Variants in SLC25A30 observed in about 807,000 individuals in gnomAD.
SLC25A30 encodes kidney mitochondrial carrier protein 1.
In SLC25A30, 29 loss-of-function variants were observed where a neutral mutation model predicts 42.7. That is an observed-to-expected ratio of 0.68 (90% CI 0.51 to 0.93). SLC25A30 has a LOEUF of 0.93. Ranked by LOEUF, SLC25A30 falls within the 40% of genes least tolerant of loss-of-function variation. The pLI, the probability that SLC25A30 is intolerant of heterozygous loss-of-function variation, is 0.00. For missense variants in SLC25A30, 300 were observed against 359.7 expected (o/e 0.83, Z 1.34); for synonymous variants, 124 against 131.0 (o/e 0.95, Z 0.37).
rs541697070 is a variant in SLC25A30 at position 45,395,813 on chromosome 13, A to G, written c.*161T>C. ...TTAAACGTTTGATGAAGAGCATCCA[A>G]TGCCAACACACAGCAATCTCAACTA... On this transcript the variant is annotated 3_prime_UTR_variant, in exon 10 of 10. Coordinates refer to ENST00000519676, the MANE Select transcript of SLC25A30 (RefSeq NM_001010875.4). The G allele has an allele frequency of 5.3e-6, 8 of 1,517,188 alleles. No homozygotes were observed. The highest frequency in any genetic ancestry group is 5.1e-5 in the South Asian group (4 of 78,318). The allele number at this position is 1,517,188 out of a possible 1,614,324, so 94.0% of individuals were successfully genotyped here.
chr13:45,414,623 CACACACACACAT>C (rs1233355826), intron 1 of SLC25A30, among the ~76,000 whole-genome samples: 4 of 138,002 alleles, frequency 2.9e-5, no homozygotes, highest in Admixed American at 1.5e-4. Flanking sequence ...GTCTCAAACA[CACACACACACAT>C]ACACACACAC....
At chr13:45,418,865 T>G (rs765749524), upstream of SLC25A30, 4 of 137,432 alleles carry the variant, frequency 2.9e-5, no homozygotes, top group Non-Finnish European at 6.1e-5. Flanking sequence ...CGCTTGAACC[T>G]GGGAGGCGGA....
chr13:45,408,092 C>T (rs1882684699), intron 3 of SLC25A30, among the ~76,000 whole-genome samples: 1 of 152,106 alleles, frequency 6.6e-6, no homozygotes, highest in African/African-American at 2.4e-5. Flanking sequence ...CTTCTGTCTG[C>T]CATAGATATA....
At chr13:45,415,549 G>A (rs1481510114) in intron 1 of SLC25A30, among the ~76,000 whole-genome samples, 2 of 151,890 alleles carry the variant, frequency 1.3e-5, no homozygotes, top group African/African-American at 4.8e-5. Flanking sequence ...TCAGGAGTTC[G>A]AGACCAGCCA....
chr13:45,402,215 TAAATTCAAA>T (rs942486409), intron 6 of SLC25A30, 51 bp downstream of exon 6: 747 of 1,348,840 alleles, frequency 5.5e-4, no homozygotes, highest in Non-Finnish European at 4.6e-4. Flanking sequence ...ATAGAACAAG[TAAATTCAAA>T]AAAGGAAAAA....
the SLC25A30 span, among the ~76,000 whole-genome samples, chr13:45,428,725 GT>G: frequency 6.7e-6 from 1 of 149,416 alleles, no homozygotes; most frequent in African/African-American, 2.5e-5. Flanking sequence ...GTTTCACCAT[GT>G]TGGTCAGGCT....
At chr13:45,423,882 A>T in the SLC25A30 span, among the ~76,000 whole-genome samples, 5 of 78,848 alleles carry the variant, frequency 6.3e-5, no homozygotes, top group East Asian at 3.5e-4. Context: ...AATATATAAA[A>T]ATATATATAT....
the SLC25A30 span, among the ~76,000 whole-genome samples, chr13:45,425,702 A>G: frequency 1.5e-5 from 2 of 137,070 alleles, no homozygotes; most frequent in South Asian, 4.3e-4. Context: ...ACACACATAT[A>G]TATTTTTTGG....
At chr13:45,426,435 C>T in the SLC25A30 span, among the ~76,000 whole-genome samples, 1 of 152,252 alleles carries the variant, frequency 6.6e-6, no homozygotes, top group African/African-American at 2.4e-5. Flanking sequence ...ATGTAAGTAT[C>T]TACATAATCT....
At position 45,394,849 on chromosome 13, in the gene SLC25A30, AG is replaced by A. The variant is rs1217677548; in HGVS notation, c.*1124del. On this transcript the variant is annotated 3_prime_UTR_variant, in exon 10 of 10. Coordinates refer to ENST00000519676, the MANE Select transcript of SLC25A30 (RefSeq NM_001010875.4). ...CAGGTATTTTCCATCCAAACTAAAC[AG>A]AAAGTCCAAGACAGGCACAACATAA... 1.0e-6 allele frequency: 1 copy of A among 985,396 alleles called. No homozygotes were observed. The highest frequency in any genetic ancestry group is 1.2e-6 in the Non-Finnish European group (1 of 829,902). The allele number at this position is 985,396 out of a possible 1,614,324, so 61.0% of individuals were successfully genotyped here. A position where few individuals can be genotyped will look rare whatever the true frequency, so the allele number is the denominator to read the frequency against.
At chr13:45,420,158 A>G (rs1040370301), upstream of SLC25A30, 5 of 152,214 alleles carry the variant, frequency 3.3e-5, no homozygotes, top group Non-Finnish European at 7.3e-5. Context: ...TTTACAGATG[A>G]CAGAACAGAG....
chr13:45,397,473 A>T, intron 8 of SLC25A30, 135 bp from the exon 9 acceptor site: 1 of 609,992 alleles, frequency 1.6e-6, no homozygotes, highest in Non-Finnish European at 2.9e-6. Context: ...CGGGTGGATC[A>T]CCAGGTCAGG....
Position 45,408,991 on chromosome 13 carries a change from G to A in SLC25A30, c.148C>T (p.Arg50Ter), listed in dbSNP as rs752079823. ...CTCACTAATGCGTGCAACATTCCTC[G>A]GTATCTAATTTCCTTAAATTTTGCA... ...NDAKFKEIRYRGMLHALVRIG... is the reference protein window; with the variant it reads ...NDAKFKEIRY Residue 50 changes from arginine to a stop codon, truncating the protein, a stop_gained, in exon 3 of 10, where the codon CGA (arginine) becomes TGA (stop). Transcript: ENST00000519676. LOFTEE classifies it high-confidence loss of function. The A allele has an allele frequency of 1.2e-5, 20 of 1,613,456 alleles. No individual in the cohort carries two copies. In the Admixed American group the frequency reaches 2.0e-4, roughly 16 times the overall value.
chr13:45,419,055 C>T (rs1424371347), upstream of SLC25A30, among the ~76,000 whole-genome samples: 1 of 129,790 alleles, frequency 7.7e-6, no homozygotes, highest in Non-Finnish European at 1.6e-5. Flanking sequence ...CGCTTGAACC[C>T]GGGAGGCGGA....
chr13:45,396,043 G>T (rs758801499), intron 9 of SLC25A30, 28 bp from the exon 10 acceptor site: 2 of 1,614,168 alleles, frequency 1.2e-6, no homozygotes, highest in Non-Finnish European at 1.7e-6. Flanking sequence ...GGATGACACA[G>T]AAAATGCCAT....
intron 7 of SLC25A30, among the ~76,000 whole-genome samples, chr13:45,400,371 G>C (rs554975508): frequency 5.3e-5 from 8 of 151,248 alleles, no homozygotes; most frequent in Admixed American, 3.3e-4. Flanking sequence ...GCAGTGAGCC[G>C]AGATCACACC....
At chr13:45,424,206 T>C in the SLC25A30 span, among the ~76,000 whole-genome samples, 1 of 96,936 alleles carries the variant, frequency 1.0e-5, no homozygotes, top group Non-Finnish European at 1.8e-5. Flanking sequence ...AATATACATA[T>C]ATGTGTAAAT....
At chr13:45,424,624 T>TATATAAAC in the SLC25A30 span, among the ~76,000 whole-genome samples, 1 of 74,276 alleles carries the variant, frequency 1.3e-5, no homozygotes, top group Non-Finnish European at 2.5e-5. Flanking sequence ...TATAAATATA[T>TATATAAAC]ATAAATATGT....
the SLC25A30 span, among the ~76,000 whole-genome samples, chr13:45,426,059 AAT>A: frequency 2.7e-5 from 4 of 147,610 alleles, no homozygotes; most frequent in African/African-American, 9.8e-5. Flanking sequence ...ATACATTTTA[AAT>A]ATATATATAC....
Sources: gnomAD v4.1 joint callset for allele counts (sites outside exome capture counted in the v4.1 genomes callset) on GRCh38, gnomAD v4.1.1 for gene constraint, MANE v1.5 for transcripts, NCBI Gene and HGNC (gene_info 2026-07-23, HGNC 2026-07-21) for gene names.